The following GRB10 variants were observed in gnomAD, a reference collection of about 807,000 sequenced individuals.
GRB10 encodes the protein growth factor receptor bound protein 10, also known as growth factor receptor-bound protein 10.
Under a neutral mutation model 80.9 loss-of-function variants are expected in GRB10, and 20 were observed. That is an observed-to-expected ratio of 0.25 (90% confidence interval 0.17 to 0.36). The LOEUF (loss-of-function observed/expected upper bound fraction) is 0.36, where lower values mean the gene tolerates loss of function less well. GRB10 is among the 10% of genes least tolerant of loss of function. The pLI is 1.00. For synonymous variants in GRB10, 291 were observed against 291.5 expected, an observed-to-expected ratio of 1.00 and a Z score of 0.02; for missense variants, 548 against 747.7, an observed-to-expected ratio of 0.73 and a Z score of 3.12.
intron 12 of GRB10, among the ~76,000 whole-genome samples, chr7:50,613,369 G>A (rs527455384): frequency 6.6e-6 from 1 of 152,196 alleles, no homozygotes; most frequent in Non-Finnish European, 1.5e-5. Context: ...CAAGTAGAAG[G>A]TCCAGAGAGG....
intron 3 of GRB10, among the ~76,000 whole-genome samples, chr7:50,749,134 G>GTTTTTTTTTTTTTTTTTT (rs11405172): frequency 7.3e-6 from 1 of 137,906 alleles, no homozygotes. Context: ...TTTTTTGTTT[G>GTTTTTTTTTTTTTTTTTT]TTTTTTTTTT....
intron 7 of GRB10, 31 bp from the exon 8 acceptor site, chr7:50,627,009 A>G: frequency 6.2e-7 from 1 of 1,611,072 alleles, no homozygotes; most frequent in Non-Finnish European, 8.5e-7. Context: ...AGTTACAGAT[A>G]AACAACTTCG....
chr7:50,632,480 C>T (rs2054181474), intron 7 of GRB10, among the ~76,000 whole-genome samples: 2 of 152,176 alleles, frequency 1.3e-5, no homozygotes, highest in African/African-American at 4.8e-5. Context: ...CTGGAGGAGC[C>T]CCCACTGTCT....
chr7:50,729,446 G>A (rs1470033708), intron 4 of GRB10: 1 of 152,034 alleles, frequency 6.6e-6, no homozygotes, highest in Non-Finnish European at 1.5e-5. Context: ...TTTTGTCATA[G>A]GTGCATAATT....
intron 17 of GRB10, among the ~76,000 whole-genome samples, chr7:50,603,207 T>C (rs1246718501): frequency 6.6e-6 from 1 of 152,234 alleles, no homozygotes; most frequent in Non-Finnish European, 1.5e-5. Flanking sequence ...CCTGTGTCTC[T>C]TTCTGGAAGA....
At chr7:50,635,107 A>G (rs148231433) in intron 7 of GRB10, among the ~76,000 whole-genome samples, 1 of 152,348 alleles carries the variant, frequency 6.6e-6, no homozygotes, top group East Asian at 1.9e-4. Flanking sequence ...TGCACATCAA[A>G]CAAAATTGAC....
intron 7 of GRB10, among the ~76,000 whole-genome samples, chr7:50,627,615 G>T (rs1057500496): frequency 6.6e-6 from 1 of 152,196 alleles, no homozygotes; most frequent in South Asian, 2.1e-4. Flanking sequence ...CATTTGCCCG[G>T]TGCTGTTCAA....
At chr7:50,790,014 T>C (rs766555159) in intron 1 of GRB10, among the ~76,000 whole-genome samples, 11 of 152,186 alleles carry the variant, frequency 7.2e-5, no homozygotes, top group Non-Finnish European at 1.0e-4. Flanking sequence ...ACCAGGAGCA[T>C]GGACAAAAGC....
rs752431401 is a variant in GRB10, at chr7:50,674,558, C to T, written c.240G>A (p.Leu80=). ...CSMQSDTVPL[L]QNGQHARSQP... is the part of the protein sequence containing the mutation. ...GGCTGCGGGCATGCTGGCCATTCTG[C>T]AGGAGGGGCACCGTGTCTGACTGCA... Residue 80 remains leucine (L), a synonymous_variant, in exon 6 of 19, where the codon CTG becomes CTA. Transcript: ENST00000401949. 6.2e-7 allele frequency: 1 copy of T among 1,612,454 alleles called. No individual in the cohort carries two copies.
At chr7:50,721,474 G>A (rs888892902) in intron 4 of GRB10, among the ~76,000 whole-genome samples, 7 of 152,182 alleles carry the variant, frequency 4.6e-5, no homozygotes, top group South Asian at 2.1e-4. Flanking sequence ...GAATAACAGC[G>A]CCAAAGTGAA....
At chr7:50,673,165 G>A (rs529377435) in intron 6 of GRB10, among the ~76,000 whole-genome samples, 23 of 152,272 alleles carry the variant, frequency 1.5e-4, no homozygotes, top group Admixed American at 5.2e-4. Flanking sequence ...AGAGCTCCCC[G>A]GAAGATGGGG....
intron 13 of GRB10, among the ~76,000 whole-genome samples, chr7:50,611,106 C>T (rs1043748320): frequency 1.1e-4 from 17 of 152,154 alleles, no homozygotes; most frequent in African/African-American, 4.1e-4. Context: ...GCACAGCTGC[C>T]TCTCCCATCT....
intron 17 of GRB10, among the ~76,000 whole-genome samples, chr7:50,600,636 T>G (rs2047442096): frequency 6.6e-6 from 1 of 152,120 alleles, no homozygotes. Context: ...ACAACATGAA[T>G]GCACCCCTTT....
At chr7:50,612,637 C>T (rs1439238819) in intron 13 of GRB10, 104 bp downstream of exon 13, 11 of 757,346 alleles carry the variant, frequency 1.5e-5, no homozygotes, top group East Asian at 2.6e-5. Context: ...GACAGAACAG[C>T]GGAAAAGTTA....
chr7:50,597,111 G>T (rs575348724), intron 17 of GRB10, among the ~76,000 whole-genome samples: 3 of 152,332 alleles, frequency 2.0e-5, no homozygotes, highest in East Asian at 1.9e-4. Context: ...AAAGGTAAAA[G>T]AAATATATTT....
At chr7:50,791,985 T>C (rs767933177) in intron 1 of GRB10, among the ~76,000 whole-genome samples, 10 of 152,184 alleles carry the variant, frequency 6.6e-5, no homozygotes, top group Admixed American at 2.6e-4. Context: ...CGGGGTCAGC[T>C]CGTTAAAATA....
At position 50,741,105 on chromosome 7, in the gene GRB10, A is replaced by G. The variant is rs183132602; in HGVS notation, c.-46-8737T>C. Among the ~76,000 whole-genome samples, 548 of 152,308 alleles carry G rather than the reference A, an allele frequency of 3.6e-3. 3 individuals are homozygous for G. The highest frequency in any genetic ancestry group is 0.011 in the African/African-American group (472 of 41,576). ...CTAAAATTAGAAGCAAGTTTAATAA[A>G]AAGTTTACACTTCAATAAAAAGTTT... On this transcript the variant is annotated intron_variant, in intron 3 of 18. Transcript: ENST00000401949.
chr7:50,701,586 A>T (rs1209598543), intron 5 of GRB10, among the ~76,000 whole-genome samples: 1 of 151,546 alleles, frequency 6.6e-6, no homozygotes, highest in Non-Finnish European at 1.5e-5. Flanking sequence ...TTGGTCTCTT[A>T]AAAAATAAAA....
intron 7 of GRB10, among the ~76,000 whole-genome samples, chr7:50,656,627 C>T (rs568906857): frequency 1.3e-5 from 2 of 152,320 alleles, no homozygotes; most frequent in East Asian, 3.9e-4. Flanking sequence ...TCCCTGCAAA[C>T]AGCTGCTGAC....
Sources: gnomAD v4.1 joint callset for allele counts (sites outside exome capture counted in the v4.1 genomes callset) on GRCh38, gnomAD v4.1.1 for gene constraint, MANE v1.5 for transcripts, NCBI Gene and HGNC (gene_info 2026-07-23, HGNC 2026-07-21) for gene names.